Variants in GPRC6A observed in about 807,000 individuals in gnomAD.
GPRC6A encodes the protein G protein-coupled receptor class C group 6 member A.
A neutral mutation model predicts 47.0 loss-of-function variants in GPRC6A; 54 were observed. That is an observed-to-expected ratio of 1.15 (90% confidence interval 0.92 to 1.44). The LOEUF (loss-of-function observed/expected upper bound fraction) is 1.44, where lower values mean the gene tolerates loss of function less well. Among genes scored for constraint, GPRC6A ranks in the 40% most tolerant of loss-of-function variants. The pLI is 0.00. For synonymous variants in GPRC6A, 347 were observed against 377.1 expected (o/e 0.92, Z 0.93); for missense variants, 1,112 against 1,105.5 (o/e 1.01, Z -0.08).
intron 1 of GPRC6A, among the ~76,000 whole-genome samples, chr6:116,819,707 C>G (rs1013533658): frequency 1.3e-4 from 20 of 152,012 alleles, no homozygotes; most frequent in Non-Finnish European, 2.4e-4. Context: ...ACATTCAAAG[C>G]AGTGTGTAGA....
At chr6:116,820,606 A>C (rs1296566222) in intron 1 of GPRC6A, among the ~76,000 whole-genome samples, 1 of 149,096 alleles carries the variant, frequency 6.7e-6, no homozygotes. Context: ...AAAGACAAAA[A>C]CCACATGATT....
chr6:116,792,401 T>G lies in GPRC6A; in HGVS notation c.2522A>C (p.Gln841Pro). Reference protein sequence around the residue: ...IPKCYVIICKQEINTKSAFLK... With the variant: ...IPKCYVIICKPEINTKSAFLK... ...AAAGGCAGACTTTGTGTTAATCTCTTGCTTACAAATAATAACATAGCATTT... is the reference window on the plus strand; with the variant it reads ...AAAGGCAGACTTTGTGTTAATCTCTGGCTTACAAATAATAACATAGCATTT... Residue 841 changes from glutamine to proline, a missense_variant, in exon 6 of 6, where the codon CAA becomes CCA. Transcript: ENST00000310357. 6.2e-7 allele frequency: 1 copy of G among 1,614,076 alleles called. No homozygotes were observed. The highest frequency in any genetic ancestry group is 1.1e-5 in the South Asian group (1 of 91,076).
At chr6:116,802,651 G>A (rs1051066710) in intron 3 of GPRC6A, among the ~76,000 whole-genome samples, 4 of 152,096 alleles carry the variant, frequency 2.6e-5, no homozygotes, top group South Asian at 2.1e-4. Flanking sequence ...ATGCCCAGAC[G>A]ATACCTTCTT....
chr6:116,820,899 G>A (rs1410358739), intron 1 of GPRC6A, among the ~76,000 whole-genome samples: 3 of 152,112 alleles, frequency 2.0e-5, no homozygotes, highest in Middle Eastern at 6.8e-3. Context: ...TATTCAATTA[G>A]GAAAAGAGGA....
intron 4 of GPRC6A, among the ~76,000 whole-genome samples, chr6:116,800,339 CCTT>C (rs1423752074): frequency 7.2e-5 from 9 of 125,840 alleles, no homozygotes; most frequent in African/African-American, 2.1e-4. Context: ...TTCCTTCCTT[CCTT>C]CTTTCCTTCT....
At chr6:116,802,456 C>T (rs1772704789) in intron 3 of GPRC6A, among the ~76,000 whole-genome samples, 1 of 151,994 alleles carries the variant, frequency 6.6e-6, no homozygotes, top group Non-Finnish European at 1.5e-5. Context: ...TATGATAATG[C>T]CTAGTTTTTA....
intron 3 of GPRC6A, 140 bp downstream of exon 3, chr6:116,806,230 G>T (rs1279687728): frequency 3.2e-6 from 2 of 615,984 alleles, no homozygotes; most frequent in Non-Finnish European, 5.8e-6. Context: ...AGAAATGCTG[G>T]TTATTTAAAC....
At chr6:116,810,955 T>A (rs1441961347) in intron 1 of GPRC6A, among the ~76,000 whole-genome samples, 1 of 152,070 alleles carries the variant, frequency 6.6e-6, no homozygotes, top group Non-Finnish European at 1.5e-5. Flanking sequence ...TTCCATGGCT[T>A]CCACTATCAG....
At chr6:116,797,045 C>A in intron 4 of GPRC6A, among the ~76,000 whole-genome samples, 1 of 151,994 alleles carries the variant, frequency 6.6e-6, no homozygotes. Context: ...CCCCCTACCC[C>A]ACAACAGTCC....
At chr6:116,809,081 C>T (rs2114599098) in intron 2 of GPRC6A, among the ~76,000 whole-genome samples, 1 of 152,242 alleles carries the variant, frequency 6.6e-6, no homozygotes, top group East Asian at 1.9e-4. Context: ...TTGGGCATTC[C>T]AACTCTGCAC....
At position 116,819,434 on chromosome 6, in the gene GPRC6A, C is replaced by G. The variant is rs1773373476; in HGVS notation, c.194+9386G>C. Reference sequence around the variant, plus strand: ...TTTTCAGCACCACACCACACCTATTCCAAAATTGACCACATACTTGGAAGT... The same window carrying G: ...TTTTCAGCACCACACCACACCTATTGCAAAATTGACCACATACTTGGAAGT... On this transcript the variant is annotated intron_variant, in intron 1 of 5. Transcript: ENST00000310357. Among the ~76,000 whole-genome samples, 3 of 151,572 alleles carry G rather than the reference C, an allele frequency of 2.0e-5. No homozygotes were observed. In the South Asian group the frequency reaches 6.3e-4, roughly 32 times the overall value.
intron 2 of GPRC6A, 106 bp from the exon 3 acceptor site, chr6:116,807,312 T>A: frequency 1.4e-6 from 1 of 690,802 alleles, no homozygotes; most frequent in Non-Finnish European, 2.5e-6. Flanking sequence ...TGACTTTCCT[T>A]AAATTCTCTA....
chr6:116,809,244 AG>A lies in GPRC6A; in HGVS notation c.498+69del, dbSNP rs1772946724. 12 of 1,280,490 alleles carry A rather than the reference AG, an allele frequency of 9.4e-6. No individual in the cohort carries two copies. In the East Asian group the frequency reaches 2.8e-4, roughly 30 times the overall value. The allele number at this position is 1,280,490 out of a possible 1,614,324, so 79.3% of individuals were successfully genotyped here. On this transcript the variant is annotated intron_variant, in intron 2 of 5. Coordinates refer to ENST00000310357, the MANE Select transcript of GPRC6A (RefSeq NM_148963.4). The stretch of plus-strand genomic sequence containing the variant: ...AAGTGACTCCCTAACTAGTTTCCTC[AG>A]GTTTCCCTGATCCTTTCATAATAAC...
intron 5 of GPRC6A, among the ~76,000 whole-genome samples, chr6:116,793,819 C>T (rs1232679006): frequency 6.6e-6 from 1 of 152,114 alleles, no homozygotes; most frequent in African/African-American, 2.4e-5. Context: ...GAGTTGCTAT[C>T]GTGAATAAGG....
chr6:116,824,300 G>C (rs1398888253), intron 1 of GPRC6A, among the ~76,000 whole-genome samples: 1 of 151,668 alleles, frequency 6.6e-6, no homozygotes, highest in East Asian at 1.9e-4. Flanking sequence ...TCAATAAAAT[G>C]AAAAGTTGAT....
rs1251750804 is a variant in GPRC6A at position 116,800,780 on chromosome 6, T to G, written c.1352A>C (p.Lys451Thr). The part of the protein sequence containing the change: ...FQPWELLGVL[K>T]NVTFTDGWNS... Reference sequence around the variant, plus strand: ...CCATCCATCAGTGAATGTCACATTTTTTAGCACACCAAGTAACTATAAAAA... The same window carrying G: ...CCATCCATCAGTGAATGTCACATTTGTTAGCACACCAAGTAACTATAAAAA... Residue 451 changes from lysine (K) to threonine (T), a missense_variant, in exon 4 of 6, where the codon AAA (lysine) becomes ACA (threonine). Lys to Thr is a moderately conservative substitution (Grantham distance 78, BLOSUM62 -1). Coordinates refer to ENST00000310357, the MANE Select transcript of GPRC6A (RefSeq NM_148963.4). 3 of 1,605,094 alleles carry G rather than the reference T, an allele frequency of 1.9e-6. No individual in the cohort carries two copies. The African/African-American group carries it at 4.0e-5, about 21-fold the overall frequency.
intron 1 of GPRC6A, among the ~76,000 whole-genome samples, chr6:116,810,003 G>T (rs1330918974): frequency 6.6e-6 from 1 of 151,984 alleles, no homozygotes. Flanking sequence ...TAGTCTGTGT[G>T]ATTGGAAACC....
At chr6:116,822,094 A>T (rs1298524364) in intron 1 of GPRC6A, among the ~76,000 whole-genome samples, 4 of 147,064 alleles carry the variant, frequency 2.7e-5, no homozygotes, top group Non-Finnish European at 6.0e-5. Flanking sequence ...TATGCAGCCA[A>T]AACACACATG....
Position 116,802,574 on chromosome 6 carries a change from TG to T in GPRC6A, c.1336-1779del, listed in dbSNP as rs553994619. ...TCTACCTCATTAAGTAAGGTTACTG[TG>T]GAAAGAGGTATCTTCATGGCTAAGT... On this transcript the variant is annotated intron_variant, in intron 3 of 5. Transcript: ENST00000310357. Among the ~76,000 whole-genome samples the T allele has an allele frequency of 2.5e-3, 376 of 152,270 alleles. 4 individuals carry two copies. The highest frequency in any genetic ancestry group is 0.014 in the Middle Eastern group (4 of 294).
Sources: gnomAD v4.1 joint callset for allele counts (sites outside exome capture counted in the v4.1 genomes callset) on GRCh38, gnomAD v4.1.1 for gene constraint, MANE v1.5 for transcripts, NCBI Gene and HGNC (gene_info 2026-07-23, HGNC 2026-07-21) for gene names.